KLF12: variants seen among roughly 807,000 people sequenced by gnomAD.
The protein encoded by KLF12 is Krueppel-like factor 12.
In KLF12, 9 loss-of-function variants were observed where a neutral mutation model predicts 37.8. The ratio of observed to expected loss-of-function variants is 0.24; its 90% confidence interval spans 0.14 to 0.42. The LOEUF is 0.42. Among genes scored for constraint, KLF12 ranks in the 10% least tolerant of loss-of-function variants. KLF12 has a pLI of 1.00. For missense variants in KLF12, 411 were observed against 516.0 expected (o/e 0.80, Z 1.97); for synonymous variants, 208 against 202.1 (o/e 1.03, Z -0.25).
intron 1 of KLF12, among the ~76,000 whole-genome samples, chr13:74,079,061 C>A (rs1874729196): frequency 6.6e-6 from 1 of 152,144 alleles, no homozygotes; most frequent in South Asian, 2.1e-4. Context: ...ACAGTAGGCA[C>A]TCAGTAAATG....
chr13:74,267,311 G>C, the KLF12 span, among the ~76,000 whole-genome samples: 1 of 152,176 alleles, frequency 6.6e-6, no homozygotes, highest in African/African-American at 2.4e-5. Flanking sequence ...ATCCTTATAA[G>C]AGACAGAACA....
intron 5 of KLF12, among the ~76,000 whole-genome samples, chr13:73,805,459 T>C (rs537066511): frequency 6.6e-6 from 1 of 151,948 alleles, no homozygotes; most frequent in African/African-American, 2.4e-5. Context: ...GTCTACTAAA[T>C]ATACAAAAAT....
chr13:74,279,065 C>A, the KLF12 span, among the ~76,000 whole-genome samples: 46 of 152,260 alleles, frequency 3.0e-4, 1 homozygote, highest in East Asian at 8.5e-3. Flanking sequence ...CAGCCCGTAT[C>A]CTTTGACTAC....
At chr13:74,030,078 T>A (rs1303587269) in intron 1 of KLF12, among the ~76,000 whole-genome samples, 1 of 152,166 alleles carries the variant, frequency 6.6e-6, no homozygotes, top group Non-Finnish European at 1.5e-5. Flanking sequence ...CTATTTGTCT[T>A]GAATTATCTG....
At chr13:74,109,822 A>G (rs1266323240) in intron 1 of KLF12, among the ~76,000 whole-genome samples, 1 of 152,194 alleles carries the variant, frequency 6.6e-6, no homozygotes, top group Non-Finnish European at 1.5e-5. Flanking sequence ...TATCTATAGA[A>G]CTGAAATTAT....
chr13:73,748,400 G>T (rs564172444), intron 6 of KLF12, among the ~76,000 whole-genome samples: 1 of 152,288 alleles, frequency 6.6e-6, no homozygotes, highest in South Asian at 2.1e-4. Context: ...TCAATGCAAT[G>T]GTATCTGGAG....
intron 3 of KLF12, among the ~76,000 whole-genome samples, chr13:73,940,651 G>C (rs1890146960): frequency 6.6e-6 from 1 of 152,152 alleles, no homozygotes; most frequent in South Asian, 2.1e-4. Flanking sequence ...GCCCAGACAA[G>C]CTGAATAAAT....
At chr13:74,116,009 C>A (rs1877282201) in intron 1 of KLF12, among the ~76,000 whole-genome samples, 1 of 152,210 alleles carries the variant, frequency 6.6e-6, no homozygotes, top group South Asian at 2.1e-4. Context: ...ATTTACCATT[C>A]CACACTCTAT....
the KLF12 span, among the ~76,000 whole-genome samples, chr13:74,288,411 A>T: frequency 9.8e-4 from 149 of 152,324 alleles, no homozygotes; most frequent in Non-Finnish European, 1.4e-3. Flanking sequence ...GGGGTAAAAC[A>T]GCAGCAGAGT....
chr13:73,750,309 A>G (rs1346883051), intron 6 of KLF12, among the ~76,000 whole-genome samples: 1 of 152,194 alleles, frequency 6.6e-6, no homozygotes, highest in Non-Finnish European at 1.5e-5. Context: ...TCCTGTGCAA[A>G]TTTGGACAAA....
intron 3 of KLF12, among the ~76,000 whole-genome samples, chr13:73,862,227 T>A (rs12429963): frequency 0.099 from 15,040 of 152,200 alleles, 1,548 homozygotes; most frequent in African/African-American, 0.24. Flanking sequence ...CAAACTTGAA[T>A]TAGTTTTACA....
intron 6 of KLF12, among the ~76,000 whole-genome samples, chr13:73,756,069 T>C (rs902040480): frequency 3.9e-5 from 6 of 152,190 alleles, no homozygotes; most frequent in Admixed American, 3.9e-4. Context: ...TCTTTCAAGG[T>C]GATGCTATGA....
the KLF12 span, among the ~76,000 whole-genome samples, chr13:74,178,501 C>T: frequency 2.6e-5 from 4 of 152,172 alleles, no homozygotes; most frequent in African/African-American, 9.7e-5. Flanking sequence ...TGTATCAATA[C>T]TGTATCCTAG....
intron 6 of KLF12, among the ~76,000 whole-genome samples, chr13:73,723,009 T>C (rs953188112): frequency 1.3e-5 from 2 of 152,194 alleles, no homozygotes; most frequent in Non-Finnish European, 2.9e-5. Flanking sequence ...GTTAAAAAAC[T>C]TAAAAGTATG....
intron 6 of KLF12, among the ~76,000 whole-genome samples, chr13:73,761,669 C>T (rs1027638634): frequency 6.6e-6 from 1 of 152,132 alleles, no homozygotes; most frequent in African/African-American, 2.4e-5. Context: ...TACTCATGCC[C>T]ATGTGTGTAT....
chr13:74,259,345 A>G, the KLF12 span: 1 of 152,212 alleles, frequency 6.6e-6, no homozygotes, highest in African/African-American at 2.4e-5. Flanking sequence ...CTCAGATAGT[A>G]AAGGTTCTAC....
intron 1 of KLF12, among the ~76,000 whole-genome samples, chr13:74,129,288 C>T (rs9530282): frequency 0.97 from 147,104 of 152,300 alleles, 71,259 homozygotes; most frequent in Middle Eastern, 1. Context: ...TTTTCTTGAA[C>T]GTTTTCAATC....
chr13:73,755,085 G>T (rs1566344879), intron 6 of KLF12, among the ~76,000 whole-genome samples: 1 of 152,106 alleles, frequency 6.6e-6, no homozygotes, highest in Non-Finnish European at 1.5e-5. Context: ...AAGCTACAAG[G>T]TTCTTCAAAG....
At chr13:73,807,895 G>C (rs370621816) in intron 5 of KLF12, among the ~76,000 whole-genome samples, 1 of 152,116 alleles carries the variant, frequency 6.6e-6, no homozygotes, top group African/African-American at 2.4e-5. Flanking sequence ...CTCCCTTTCA[G>C]ATGTTATTAG....
Sources: gnomAD v4.1 joint callset for allele counts (sites outside exome capture counted in the v4.1 genomes callset) on GRCh38, gnomAD v4.1.1 for gene constraint, MANE v1.5 for transcripts, NCBI Gene and HGNC (gene_info 2026-07-23, HGNC 2026-07-21) for gene names.